Variants in PIK3R6 observed in about 807,000 individuals in gnomAD.
PIK3R6 encodes the protein phosphoinositide-3-kinase regulatory subunit 6.
PIK3R6 carries 91 observed loss-of-function variants against 84.9 expected under a neutral mutation model. The observed-to-expected ratio is 1.07, with a 90% CI of 0.90 to 1.28. The LOEUF (loss-of-function observed/expected upper bound fraction) is 1.28, where lower values mean the gene tolerates loss of function less well. Among genes scored for constraint, PIK3R6 ranks in the 50% most tolerant of loss-of-function variants. The pLI, the probability that PIK3R6 is intolerant of heterozygous loss-of-function variation, is 0.00. For missense variants in PIK3R6, 996 were observed against 985.1 expected (o/e 1.01, Z -0.15); for synonymous variants, 416 against 411.4 (o/e 1.01, Z -0.13).
intron 18 of PIK3R6, 103 bp from the exon 19 acceptor site, chr17:8,804,256 A>G (rs1033039192): frequency 3.2e-6 from 3 of 935,700 alleles, no homozygotes; most frequent in East Asian, 5.2e-5. Context: ...AGTCCAGCAC[A>G]TGGGGTCCCC....
At chr17:8,821,160 G>A (rs921630792) in intron 17 of PIK3R6, among the ~76,000 whole-genome samples, 2 of 152,180 alleles carry the variant, frequency 1.3e-5, no homozygotes, top group African/African-American at 4.8e-5. Context: ...CCTAAGTCTA[G>A]TCTGTTGAGA....
In PIK3R6 at chr17:8,862,412, G is replaced by A. The variant is rs1287550865; in HGVS notation, c.-92+5117C>T. Among the ~76,000 whole-genome samples the A allele has an allele frequency of 6.6e-6, 1 of 152,184 alleles. No individual in the cohort carries two copies. Among genetic ancestry groups the A allele is most frequent in the Non-Finnish European group, 1.5e-5 (1 of 68,040 alleles). ...TGACAGAAACAAGTTTGTTGGGCAT[G>A]GTTGCTACAATAAATGACACAGGAA... On this transcript the variant is annotated intron_variant, in intron 1 of 19. Transcript: ENST00000619866. The surrounding 1 kb of genome is among the most constrained non-coding windows in gnomAD (Gnocchi z 4.3).
chr17:8,858,875 A>G (rs1432104616), intron 1 of PIK3R6, among the ~76,000 whole-genome samples: 1 of 152,150 alleles, frequency 6.6e-6, no homozygotes, highest in Non-Finnish European at 1.5e-5. Flanking sequence ...GAGGTTTTGC[A>G]ATTCATCCAT....
At chr17:8,837,900 A>G (rs1484114155) in intron 4 of PIK3R6, 29 bp from the exon 5 acceptor site, 1 of 1,600,888 alleles carries the variant, frequency 6.2e-7, no homozygotes, top group Non-Finnish European at 8.6e-7. Flanking sequence ...CGTGACAGGT[A>G]TTGGGCTGGG....
At chr17:8,851,432 G>A (rs1013695504) in intron 1 of PIK3R6, among the ~76,000 whole-genome samples, 3 of 152,188 alleles carry the variant, frequency 2.0e-5, no homozygotes, top group Non-Finnish European at 4.4e-5. Flanking sequence ...GGGAGGCGGA[G>A]CTTGCAGTGA....
At chr17:8,804,812 G>A (rs2087153220) in intron 18 of PIK3R6, among the ~76,000 whole-genome samples, 1 of 152,230 alleles carries the variant, frequency 6.6e-6, no homozygotes, top group Non-Finnish European at 1.5e-5. Flanking sequence ...TACAACCACA[G>A]AACCCTGGAG....
At chr17:8,834,561 T>TA (rs1444440162) in intron 8 of PIK3R6, among the ~76,000 whole-genome samples, 3 of 151,772 alleles carry the variant, frequency 2.0e-5, no homozygotes, top group Non-Finnish European at 4.4e-5. Flanking sequence ...TTTTTTTTTT[T>TA]TTATTACTTT....
At chr17:8,827,078 C>T (rs1462353569) in intron 13 of PIK3R6, 94 bp downstream of exon 13, 4 of 1,428,230 alleles carry the variant, frequency 2.8e-6, no homozygotes, top group Non-Finnish European at 2.8e-6. Flanking sequence ...CCCCATTTCA[C>T]CCTCGCTGCC....
chr17:8,807,931 G>T (rs139542568), intron 18 of PIK3R6, among the ~76,000 whole-genome samples: 6 of 152,280 alleles, frequency 3.9e-5, no homozygotes, highest in African/African-American at 1.2e-4. Flanking sequence ...TGCTTGATTT[G>T]CCTGGGACTT....
intron 9 of PIK3R6, among the ~76,000 whole-genome samples, chr17:8,831,896 C>T (rs1157342843): frequency 6.6e-6 from 1 of 152,246 alleles, no homozygotes; most frequent in Non-Finnish European, 1.5e-5. Context: ...CAGATGCCCC[C>T]ATCCACATGG....
rs1170804501 is a variant in PIK3R6, at chr17:8,803,434, G to A, written c.2109-5C>T. 5.6e-6 allele frequency: 9 copies of A among 1,595,288 alleles called. No individual in the cohort carries two copies. Among genetic ancestry groups the A allele is most frequent in the African/African-American group, 5.4e-5 (4 of 74,316 alleles). The stretch of plus-strand genomic sequence containing the variant: ...GGGCAGGGAGCAACCTCGAATCTGT[G>A]GGTGGAGAGAGACCAGCTCAGGTGA... On this transcript the variant is annotated splice_polypyrimidine_tract_variant and splice_region_variant and intron_variant, in intron 19 of 19. Coordinates refer to ENST00000619866, the MANE Select transcript of PIK3R6 (RefSeq NM_001010855.4). The surrounding 1 kb of genome is among the most constrained non-coding windows in gnomAD (Gnocchi z 5.0).
chr17:8,804,598 C>T (rs545814979), intron 18 of PIK3R6, among the ~76,000 whole-genome samples: 70 of 152,288 alleles, frequency 4.6e-4, no homozygotes, highest in African/African-American at 1.6e-3. Flanking sequence ...CTGCTGCAGA[C>T]ACAGAGGGTC....
chr17:8,808,417 T>C (rs9909633), intron 18 of PIK3R6, among the ~76,000 whole-genome samples: 2,480 of 152,030 alleles, frequency 0.016, 40 homozygotes, highest in African/African-American at 0.041. Flanking sequence ...ATAATCCCCA[T>C]GGATACTGAG....
chr17:8,831,137 T>C (rs12943563), intron 9 of PIK3R6, among the ~76,000 whole-genome samples: 46,063 of 110,718 alleles, frequency 0.42, 8,985 homozygotes, highest in East Asian at 0.57. Context: ...CTGAGCAAGA[T>C]TGTGTCTCAA....
chr17:8,836,385 A>T (rs963170471), intron 7 of PIK3R6, among the ~76,000 whole-genome samples, 162 bp downstream of exon 7: 1 of 152,208 alleles, frequency 6.6e-6, no homozygotes, highest in East Asian at 1.9e-4. Context: ...CCAACCTTGA[A>T]TGGCAAACGC....
intron 18 of PIK3R6, among the ~76,000 whole-genome samples, chr17:8,812,296 G>A (rs1364568065): frequency 6.6e-6 from 1 of 152,150 alleles, no homozygotes; most frequent in African/African-American, 2.4e-5. Flanking sequence ...GACACCAATA[G>A]AATAATAGAG....
intron 2 of PIK3R6, among the ~76,000 whole-genome samples, chr17:8,841,497 C>A (rs951395558): frequency 6.6e-6 from 1 of 152,140 alleles, no homozygotes; most frequent in Non-Finnish European, 1.5e-5. Context: ...AAGAATGTCC[C>A]GACCCTTGAT....
intron 2 of PIK3R6, among the ~76,000 whole-genome samples, chr17:8,846,756 T>C (rs2088823549): frequency 6.6e-6 from 1 of 152,104 alleles, no homozygotes. Flanking sequence ...GGTAAGGTGA[T>C]GCTATGTGCT....
chr17:8,828,006 A>C (rs2088004360), intron 12 of PIK3R6, 106 bp downstream of exon 12: 1 of 1,181,440 alleles, frequency 8.5e-7, no homozygotes, highest in Non-Finnish European at 1.2e-6. Context: ...AAGGATGCTT[A>C]CTCTAGTCCC....
Sources: gnomAD v4.1 joint callset for allele counts (sites outside exome capture counted in the v4.1 genomes callset) on GRCh38, gnomAD v4.1.1 for gene constraint, Gnocchi (gnomAD v3.1) non-coding constraint, MANE v1.5 for transcripts, NCBI Gene and HGNC (gene_info 2026-07-23, HGNC 2026-07-21) for gene names.